PSMA1: variants seen among roughly 807,000 people sequenced by gnomAD.
PSMA1 encodes proteasome 20S subunit alpha 1, also known as proteasome subunit alpha type-1.
A neutral mutation model predicts 38.4 loss-of-function variants in PSMA1; 3 were observed. The ratio of observed to expected loss-of-function variants is 0.08; its 90% CI spans 0.04 to 0.20. PSMA1 has a LOEUF of 0.20. PSMA1 is among the 10% of genes least tolerant of loss of function. PSMA1 has a pLI of 1.00. For synonymous variants in PSMA1, 101 were observed against 107.1 expected, an observed-to-expected ratio of 0.94 and a Z score of 0.35; for missense variants, 227 against 325.3, an observed-to-expected ratio of 0.70 and a Z score of 2.32.
intron 2 of PSMA1, among the ~76,000 whole-genome samples, chr11:14,585,874 A>G (rs1483952074): frequency 6.6e-6 from 1 of 152,098 alleles, no homozygotes; most frequent in Non-Finnish European, 1.5e-5. Flanking sequence ...TGCAGTGGTC[A>G]GAAAAAAAAA....
chr11:14,588,614 G>C (rs971842135), intron 2 of PSMA1, among the ~76,000 whole-genome samples: 1 of 152,172 alleles, frequency 6.6e-6, no homozygotes, highest in Non-Finnish European at 1.5e-5. Flanking sequence ...ATGGACAAGA[G>C]TGTTCATTAA....
At chr11:14,547,740 A>G (rs1307319547) in intron 2 of PSMA1, among the ~76,000 whole-genome samples, 1 of 152,220 alleles carries the variant, frequency 6.6e-6, no homozygotes. Context: ...CCAAACATCC[A>G]GGGCCATACT....
intron 2 of PSMA1, among the ~76,000 whole-genome samples, chr11:14,605,749 A>C (rs1342344527): frequency 6.6e-6 from 1 of 152,206 alleles, no homozygotes; most frequent in Non-Finnish European, 1.5e-5. Flanking sequence ...TAAGTTCCAC[A>C]TAGATTCTGG....
intron 2 of PSMA1, among the ~76,000 whole-genome samples, chr11:14,575,019 G>A (rs992616681): frequency 6.6e-6 from 1 of 152,172 alleles, no homozygotes; most frequent in Non-Finnish European, 1.5e-5. Context: ...CTAGAGACCT[G>A]TTGAAGGGCT....
intron 2 of PSMA1, among the ~76,000 whole-genome samples, chr11:14,561,866 A>G (rs1852013775): frequency 1.3e-5 from 2 of 149,144 alleles, no homozygotes; most frequent in Non-Finnish European, 3.0e-5. Flanking sequence ...AAACTAAACT[A>G]TAAACTAAAC....
intron 2 of PSMA1, among the ~76,000 whole-genome samples, chr11:14,540,065 A>C (rs1435311265): frequency 1.3e-5 from 2 of 152,144 alleles, no homozygotes; most frequent in Non-Finnish European, 2.9e-5. Flanking sequence ...TAAAAGGGGC[A>C]CTCTGGCACA....
In PSMA1 at chr11:14,609,379, A is replaced by G. The variant is rs953869342; in HGVS notation, c.21+1587T>C. Among the ~76,000 whole-genome samples the G allele has an allele frequency of 2.6e-5, 4 of 152,226 alleles. No individual in the cohort carries two copies. In the East Asian group the frequency reaches 7.7e-4, roughly 29 times the overall value. ...ACTATGTATCAGGAGATATTCTAGCAGCTAATAAAACAGACAAAGATTCTT... is the reference window on the plus strand; with the variant it reads ...ACTATGTATCAGGAGATATTCTAGCGGCTAATAAAACAGACAAAGATTCTT... On this transcript the variant is annotated intron_variant, in intron 2 of 10. Transcript: ENST00000418988.
intron 1 of PSMA1, among the ~76,000 whole-genome samples, chr11:14,631,208 C>T (rs1299345928): frequency 6.6e-6 from 1 of 152,122 alleles, no homozygotes; most frequent in East Asian, 1.9e-4. Flanking sequence ...CTTCTGCTAG[C>T]TTTTGAATGA....
intron 8 of PSMA1, among the ~76,000 whole-genome samples, chr11:14,509,533 C>G (rs1011846333): frequency 6.6e-6 from 1 of 151,396 alleles, no homozygotes; most frequent in Admixed American, 6.6e-5. Flanking sequence ...CTTTGTCACC[C>G]AGGCTGGAGT....
chr11:14,634,898 T>C (rs896498540), intron 1 of PSMA1, among the ~76,000 whole-genome samples: 3 of 152,242 alleles, frequency 2.0e-5, no homozygotes, highest in East Asian at 1.9e-4. Flanking sequence ...GAGAGTGAGA[T>C]TGATGAAGGA....
intron 1 of PSMA1, among the ~76,000 whole-genome samples, chr11:14,642,168 T>G (rs1175569733): frequency 1.3e-5 from 2 of 152,238 alleles, no homozygotes; most frequent in African/African-American, 4.8e-5. Context: ...AATTTATTAT[T>G]TCCTATGGAA....
intron 2 of PSMA1, among the ~76,000 whole-genome samples, chr11:14,564,786 T>C (rs957710251): frequency 2.7e-5 from 4 of 148,518 alleles, no homozygotes; most frequent in Non-Finnish European, 6.0e-5. Context: ...CTTTCTTTCT[T>C]TTTTTTTTTT....
In PSMA1 at chr11:14,631,377, G is replaced by C. The variant is rs1448256588; in HGVS notation, c.-166+12078C>G. ...TCTGGTATGTTGTGTCTTTGTTCTCGTTGGTTTCAAAGAACATCTTTATTT... is the reference window on the plus strand; with the variant it reads ...TCTGGTATGTTGTGTCTTTGTTCTCCTTGGTTTCAAAGAACATCTTTATTT... On this transcript the variant is annotated intron_variant, in intron 1 of 10. Coordinates refer to the PSMA1 transcript ENST00000418988. Among the ~76,000 whole-genome samples the C allele has an allele frequency of 3.3e-5, 5 of 151,888 alleles. No individual in the cohort carries two copies. In the South Asian group the frequency reaches 1.0e-3, roughly 32 times the overall value.
chr11:14,628,230 A>G (rs1471709362), intron 1 of PSMA1, among the ~76,000 whole-genome samples: 1 of 151,074 alleles, frequency 6.6e-6, no homozygotes, highest in Admixed American at 6.6e-5. Context: ...GGTTAGTTAC[A>G]TATGTATACA....
chr11:14,573,454 A>G (rs1437574120), intron 2 of PSMA1, among the ~76,000 whole-genome samples: 1 of 152,228 alleles, frequency 6.6e-6, no homozygotes, highest in Non-Finnish European at 1.5e-5. Flanking sequence ...CTTTGACAAA[A>G]TTCAACAGGC....
rs957200357 is a variant in PSMA1, at chr11:14,591,071, C to T, written c.21+19895G>A. ...TCAGCTTGCAGTGGAGGGAGAGGCG[C>T]GAGCGGGAACCGGGGCTGCGTGCAG... On this transcript the variant is annotated intron_variant, in intron 2 of 10. Transcript: ENST00000418988. Among the ~76,000 whole-genome samples the T allele has an allele frequency of 3.9e-5, 6 of 152,206 alleles. No individual in the cohort carries two copies. The East Asian group carries it at 5.8e-4, about 15-fold the overall frequency.
intron 2 of PSMA1, among the ~76,000 whole-genome samples, chr11:14,532,670 A>C (rs2134160163): frequency 6.6e-6 from 1 of 151,038 alleles, no homozygotes; most frequent in African/African-American, 2.4e-5. Flanking sequence ...ATGATTGGCC[A>C]GGCTAGGTGG....
chr11:14,598,075 G>C (rs1359937212), intron 2 of PSMA1, among the ~76,000 whole-genome samples: 2 of 151,998 alleles, frequency 1.3e-5, no homozygotes, highest in African/African-American at 4.8e-5. Flanking sequence ...CATTTTCTTA[G>C]TCCTGAGTTC....
At chr11:14,595,344 A>G (rs894700740) in intron 2 of PSMA1, among the ~76,000 whole-genome samples, 14 of 152,186 alleles carry the variant, frequency 9.2e-5, no homozygotes, top group Non-Finnish European at 1.9e-4. Context: ...GTCTTCTACA[A>G]TGGTTGAACT....
Sources: allele counts gnomAD v4.1 joint callset (sites outside exome capture counted in the v4.1 genomes callset), GRCh38; gene constraint gnomAD v4.1.1; transcripts MANE v1.5; gene names NCBI Gene and HGNC (gene_info 2026-07-23, HGNC 2026-07-21).